NLRP13: variants seen among roughly 807,000 people sequenced by gnomAD.
The protein encoded by NLRP13 is NLR family pyrin domain containing 13.
Under a neutral mutation model 94.4 loss-of-function variants are expected in NLRP13, and 82 were observed. The observed-to-expected ratio is 0.87, with a 90% CI of 0.73 to 1.04. The LOEUF is 1.04. Among genes scored for constraint, NLRP13 ranks in the 50% least tolerant of loss-of-function variants. The probability of loss-of-function intolerance (pLI) is 0.00; values close to 1 mark genes in which losing one functional copy is unlikely to be tolerated. For synonymous variants in NLRP13, 553 were observed against 464.7 expected (o/e 1.19, Z -2.45); for missense variants, 1,426 against 1,230.8 (o/e 1.16, Z -2.37).
chr19:55,893,248 T>C (rs1294521310), downstream of NLRP13, among the ~76,000 whole-genome samples: 1 of 151,788 alleles, frequency 6.6e-6, no homozygotes, highest in East Asian at 1.9e-4. Flanking sequence ...GTTAGCTGGG[T>C]GTGGTGGCAC....
rs778609182 is a variant in NLRP13 at position 55,896,038 on chromosome 19, C to T, written c.3039G>A (p.Leu1013=). The change falls in exon 11 of 11, where the codon CTG becomes CTA. Residue 1013 remains leucine (L), a synonymous_variant. Coordinates refer to ENST00000342929, the MANE Select transcript of NLRP13 (RefSeq NM_176810.2). ...TATCCAATTCATTGCCTAGAAGGTT[C>T]AGATTGACCAGGCTCTTACTGCTGC... ...VLSSSKSLVN[L]NLLGNELDTD... The T allele has an allele frequency of 2.5e-6, 4 of 1,614,066 alleles. No individual in the cohort carries two copies. The highest frequency in any genetic ancestry group is 3.4e-6 in the Non-Finnish European group (4 of 1,180,020).
At chr19:55,931,176 A>AG (rs1366472568) in intron 1 of NLRP13, among the ~76,000 whole-genome samples, 1 of 152,044 alleles carries the variant, frequency 6.6e-6, no homozygotes, top group East Asian at 1.9e-4. Context: ...AGAATGGGCA[A>AG]GGCTCGTACT....
chr19:55,920,638 A>T (rs952091511), intron 4 of NLRP13, among the ~76,000 whole-genome samples: 1 of 152,176 alleles, frequency 6.6e-6, no homozygotes, highest in African/African-American at 2.4e-5. Context: ...AAAATGGAAC[A>T]CTTGTACACT....
chr19:55,902,319 G>T, intron 8 of NLRP13, 114 bp from the exon 9 acceptor site: 1 of 841,150 alleles, frequency 1.2e-6, no homozygotes, highest in Non-Finnish European at 1.8e-6. Context: ...CTCCCTGGAC[G>T]ACAAGGTCTT....
rs304000 is a variant in NLRP13, at chr19:55,912,326, C to T, written c.1491G>A (p.Thr497=). 980,531 of 1,610,906 alleles carry T rather than the reference C, an allele frequency of 0.61. 300,764 individuals are homozygous for T. The highest frequency in any genetic ancestry group is 0.72 in the African/African-American group (53,848 of 74,938). ...CGATCTCAGTGTCTTCTTTGTTAAA[C>T]GTGAAGTTCATAGACCACAGCCCTT... ...AIEGLWSMNF[T]FNKEDTEIEG... Residue 497 remains threonine, a synonymous_variant, in exon 5 of 11, where the codon ACG becomes ACA. Coordinates refer to ENST00000342929, the MANE Select transcript of NLRP13 (RefSeq NM_176810.2).
rs754998179 is a variant in NLRP13, at chr19:55,896,118, A to G, written c.2959T>C (p.Leu987=). ...KPHRALHTLG[L]AKCNLTTACC... ...GCAGTTGTCAGATTGCATTTCGCCA[A>G]CCTAGGGGCGGGTGGGAAGAAAGCA... Residue 987 remains leucine, a splice_region_variant and synonymous_variant, in exon 11 of 11, where the codon TTG becomes CTG. Transcript: ENST00000342929. The G allele has an allele frequency of 1.1e-5, 17 of 1,613,846 alleles. No individual in the cohort carries two copies. The highest frequency in any genetic ancestry group is 2.2e-5 in the South Asian group (2 of 91,076).
chr19:55,895,975 CTT>C lies in NLRP13; in HGVS notation c.3100_3101del (p.Lys1034ValfsTer?), dbSNP rs753406612. On this transcript the variant is annotated frameshift_variant, in exon 11 of 11. Coordinates refer to ENST00000342929, the MANE Select transcript of NLRP13 (RefSeq NM_176810.2). LOFTEE classifies it low-confidence loss of function (END_TRUNC). ...CGAGTTTCTGCAGCCTGCATGTCGA[CTT>C]TTTCAAAGCCTTACATAGCATCTTG... ...GVKMLCKALK[K>X]STCRLQKLG The C allele has an allele frequency of 1.8e-5, 29 of 1,613,942 alleles. No homozygotes were observed. Among genetic ancestry groups the C allele is most frequent in the South Asian group, 4.4e-5 (4 of 91,058 alleles).
In NLRP13 at chr19:55,907,893, G is replaced by A; in HGVS notation, c.2346C>T (p.Ser782=). The A allele has an allele frequency of 6.2e-7, 1 of 1,613,596 alleles. No homozygotes were observed. The highest frequency in any genetic ancestry group is 8.5e-7 in the Non-Finnish European group (1 of 1,179,708). ...AGCTGAAGTTCAGATGGGTCAGCTT[G>A]CTGTTACCCTGAAGGGCAATAATGA... ...QDLIIALQGN[S]KLTHLNFSSN... Residue 782 remains serine (S), a synonymous_variant, in exon 7 of 11, where the codon AGC becomes AGT. Transcript: ENST00000342929.
At chr19:55,902,280 G>A in intron 8 of NLRP13, 75 bp from the exon 9 acceptor site, 4 of 1,361,756 alleles carry the variant, frequency 2.9e-6, no homozygotes, top group Non-Finnish European at 4.1e-6. Flanking sequence ...AGAGCCTCAG[G>A]GCCCCCTCCG....
At chr19:55,895,754 A>G (rs559790013), downstream of NLRP13, among the ~76,000 whole-genome samples, 25 of 152,326 alleles carry the variant, frequency 1.6e-4, no homozygotes, top group South Asian at 1.4e-3. Context: ...CAAGTGCCCA[A>G]TGATGAGATG....
chr19:55,925,689 A>G lies in NLRP13; in HGVS notation c.320-654T>C, dbSNP rs188598491. Among the ~76,000 whole-genome samples, 45 of 152,310 alleles carry G rather than the reference A, an allele frequency of 3.0e-4. 1 individual carries two copies. In the East Asian group the frequency reaches 8.1e-3, roughly 27 times the overall value. ...CTAGAAGACCTCTTCTATAACTCAC[A>G]GTGGCCAAACTCACTTTACTGTGTA... On this transcript the variant is annotated intron_variant, in intron 1 of 10. Transcript: ENST00000342929.
At chr19:55,900,775 TAA>T (rs3073241) in intron 9 of NLRP13, among the ~76,000 whole-genome samples, 4 of 134,172 alleles carry the variant, frequency 3.0e-5, no homozygotes, top group Admixed American at 7.6e-5. Context: ...GACTCCATCT[TAA>T]AAAAAAAAAA....
Position 55,898,920 on chromosome 19 carries a change from A to C in NLRP13, c.2807T>G (p.Phe936Cys). 6.2e-7 allele frequency: 1 copy of C among 1,605,720 alleles called. No homozygotes were observed. The highest frequency in any genetic ancestry group is 1.1e-5 in the South Asian group (1 of 89,292). ...CAGCTCTCCACAGCCCTCTCTTGTG[A>C]AAGAACAACCTGACAAACTGCAAAA... is the stretch of plus-strand genomic sequence containing the variant. The part of the protein sequence containing the change: ...LQSLNLSGCS[F>C]TREGCGELAN... Residue 936 changes from phenylalanine to cysteine, a missense_variant, in exon 10 of 11, where the codon TTC (phenylalanine) becomes TGC (cysteine). Physicochemically the swap from Phe to Cys is radical, Grantham distance 205. Coordinates refer to ENST00000342929, the MANE Select transcript of NLRP13 (RefSeq NM_176810.2).
At chr19:55,922,030 A>G (rs1353850263) in intron 4 of NLRP13, among the ~76,000 whole-genome samples, 1 of 152,218 alleles carries the variant, frequency 6.6e-6, no homozygotes, top group Non-Finnish European at 1.5e-5. Flanking sequence ...CCTCGCAATC[A>G]TGGCAGAAGG....
chr19:55,923,274 A>C (rs1217188485), intron 4 of NLRP13, among the ~76,000 whole-genome samples: 1 of 152,180 alleles, frequency 6.6e-6, no homozygotes, highest in Non-Finnish European at 1.5e-5. Flanking sequence ...TCTGTAGGAG[A>C]TCAGTCAGGG....
intron 6 of NLRP13, among the ~76,000 whole-genome samples, chr19:55,908,982 C>CA (rs1466736434): frequency 4.6e-5 from 7 of 152,310 alleles, no homozygotes; most frequent in African/African-American, 1.7e-4. Flanking sequence ...CCAGCTCACC[C>CA]AATACACTGA....
Position 55,912,129 on chromosome 19 carries a change from G to A in NLRP13, c.1688C>T (p.Pro563Leu). The A allele has an allele frequency of 6.2e-7, 1 of 1,614,176 alleles. No individual in the cohort carries two copies. The highest frequency in any genetic ancestry group is 8.5e-7 in the Non-Finnish European group (1 of 1,180,034). The change falls in exon 5 of 11, where the codon CCA becomes CTA. Residue 563 changes from proline to leucine, a missense_variant. By Grantham distance (98) the Pro-to-Leu change is moderately conservative. Coordinates refer to ENST00000342929, the MANE Select transcript of NLRP13 (RefSeq NM_176810.2). ...TTGCAGTAACATCTTCATCTCTTGT[G>A]GCTTTGTGGAATGGGGAGGGAATTC... is the stretch of plus-strand genomic sequence containing the variant. ...PREFPPHSTK[P>L]QEMKMLLQHV...
intron 7 of NLRP13, 50 bp from the exon 8 acceptor site, chr19:55,905,162 C>T (rs1986300347): frequency 6.3e-7 from 1 of 1,599,186 alleles, no homozygotes; most frequent in East Asian, 2.2e-5. Flanking sequence ...TGCCCAGGTT[C>T]CTCTACCTTT....
chr19:55,892,094 C>A, downstream of NLRP13: 1 of 1,231,936 alleles, frequency 8.1e-7, no homozygotes, highest in Non-Finnish European at 1.0e-6. Flanking sequence ...TCTCCTCTCT[C>A]ACTACATTGT....
Sources: gnomAD v4.1 joint callset for allele counts (sites outside exome capture counted in the v4.1 genomes callset) on GRCh38, gnomAD v4.1.1 for gene constraint, MANE v1.5 for transcripts, NCBI Gene and HGNC (gene_info 2026-07-23, HGNC 2026-07-21) for gene names.